Variants in FBXO36 observed in about 807,000 individuals in gnomAD.
FBXO36 encodes the protein F-box only protein 36.
A neutral mutation model predicts 17.0 loss-of-function variants in FBXO36; 18 were observed. The ratio of observed to expected loss-of-function variants is 1.06; its 90% CI spans 0.73 to 1.57. FBXO36 has a LOEUF of 1.57. Among genes scored for constraint, FBXO36 ranks in the 40% most tolerant of loss-of-function variants. The pLI is 0.00. For synonymous variants in FBXO36, 83 were observed against 85.3 expected, an observed-to-expected ratio of 0.97 and a Z score of 0.15; for missense variants, 229 against 221.9, an observed-to-expected ratio of 1.03 and a Z score of -0.20.
chr2:229,992,800 G>A (rs2077304534), intron 2 of FBXO36, among the ~76,000 whole-genome samples: 2 of 152,184 alleles, frequency 1.3e-5, no homozygotes, highest in Non-Finnish European at 2.9e-5. Flanking sequence ...ACTTGCATGG[G>A]GTTGAATGGC....
intron 1 of FBXO36, among the ~76,000 whole-genome samples, chr2:229,972,437 A>G (rs992694780): frequency 1.3e-5 from 2 of 152,150 alleles, no homozygotes; most frequent in East Asian, 1.9e-4. Flanking sequence ...ATTGAATACT[A>G]TTAGACAGCT....
chr2:230,000,615 G>T (rs1388962836), intron 3 of FBXO36, among the ~76,000 whole-genome samples: 1 of 151,932 alleles, frequency 6.6e-6, no homozygotes, highest in Admixed American at 6.6e-5. Context: ...ACGCTGAGCG[G>T]CTGCCTTCTC....
chr2:229,957,548 G>T (rs2077095219), intron 1 of FBXO36, among the ~76,000 whole-genome samples: 1 of 152,320 alleles, frequency 6.6e-6, no homozygotes, highest in Middle Eastern at 3.4e-3. Context: ...TTGCACTTCA[G>T]CCTGGGCGAT....
At chr2:229,980,859 G>A (rs1018889633) in intron 2 of FBXO36, among the ~76,000 whole-genome samples, 14 of 152,070 alleles carry the variant, frequency 9.2e-5, no homozygotes, top group African/African-American at 3.4e-4. Flanking sequence ...CTGCCAGGTG[G>A]TTTCCCGCCA....
At chr2:229,989,781 G>A (rs2077289182) in intron 2 of FBXO36, among the ~76,000 whole-genome samples, 1 of 146,090 alleles carries the variant, frequency 6.8e-6, no homozygotes, top group Non-Finnish European at 1.5e-5. Flanking sequence ...CACCATCTTG[G>A]CCAGGCTGGT....
At chr2:229,925,271 CTAAT>C (rs1233658066) in intron 1 of FBXO36, among the ~76,000 whole-genome samples, 1 of 152,016 alleles carries the variant, frequency 6.6e-6, no homozygotes, top group South Asian at 2.1e-4. Flanking sequence ...AATCTCCAAG[CTAAT>C]TAATTCACCC....
intron 3 of FBXO36, among the ~76,000 whole-genome samples, chr2:229,998,987 A>G (rs940299408): frequency 1.3e-5 from 2 of 151,570 alleles, no homozygotes; most frequent in African/African-American, 4.8e-5. Flanking sequence ...TATTTTTAGT[A>G]GAGACGGGGT....
At chr2:230,006,917 A>G (rs1286227338) in intron 3 of FBXO36, among the ~76,000 whole-genome samples, 7 of 152,216 alleles carry the variant, frequency 4.6e-5, no homozygotes, top group African/African-American at 1.7e-4. Flanking sequence ...GTGCTATTCC[A>G]CAGTTGAGGA....
chr2:229,945,003 C>A (rs1347610685), intron 1 of FBXO36: 1 of 152,138 alleles, frequency 6.6e-6, no homozygotes, highest in Non-Finnish European at 1.5e-5. Flanking sequence ...TAGGTTTAGA[C>A]AGCTAAAGAT....
intron 1 of FBXO36, chr2:229,937,707 T>C (rs1024042166): frequency 1.3e-5 from 2 of 152,126 alleles, no homozygotes; most frequent in African/African-American, 4.8e-5. Flanking sequence ...CTGAGGAGCC[T>C]TTCCTGACCT....
chr2:229,984,806 A>G (rs1277253264), intron 2 of FBXO36, among the ~76,000 whole-genome samples: 3 of 152,194 alleles, frequency 2.0e-5, no homozygotes, highest in Non-Finnish European at 4.4e-5. Flanking sequence ...GTACAAATAC[A>G]CAATCCTCAA....
Position 229,995,328 on chromosome 2 carries a change from C to T in FBXO36, c.206-1423C>T, listed in dbSNP as rs2077319425. Among the ~76,000 whole-genome samples, 3 of 152,034 alleles carry T rather than the reference C, an allele frequency of 2.0e-5. 1 individual carries two copies. The highest frequency in any genetic ancestry group is 2.1e-4 in the South Asian group (1 of 4,828). ...ACTGGGGGGAAATCCTTTTTTCCTA[C>T]ATCAAACATAGTTAGATAGGCCATT... is the stretch of plus-strand genomic sequence containing the variant. On this transcript the variant is annotated intron_variant, in intron 2 of 3. Transcript: ENST00000283946.
At chr2:230,002,029 G>A (rs78726889) in intron 3 of FBXO36, among the ~76,000 whole-genome samples, 2,510 of 152,076 alleles carry the variant, frequency 0.017, 51 homozygotes, top group East Asian at 0.081. Flanking sequence ...GTAGAGACGG[G>A]GTTTTACCAC....
intron 3 of FBXO36, among the ~76,000 whole-genome samples, chr2:230,006,722 G>A (rs2077388676): frequency 6.6e-6 from 1 of 152,174 alleles, no homozygotes; most frequent in Non-Finnish European, 1.5e-5. Flanking sequence ...ACATGGTCAA[G>A]GTGTTGTTTT....
At chr2:229,942,317 C>T (rs2077003697) in intron 1 of FBXO36, among the ~76,000 whole-genome samples, 1 of 152,166 alleles carries the variant, frequency 6.6e-6, no homozygotes, top group Non-Finnish European at 1.5e-5. Flanking sequence ...CGCTGTGTAC[C>T]ACCCTCTGTC....
At chr2:229,983,290 G>A (rs984058683) in intron 2 of FBXO36, among the ~76,000 whole-genome samples, 13 of 151,846 alleles carry the variant, frequency 8.6e-5, no homozygotes, top group African/African-American at 2.2e-4. Context: ...CAGGAGAATC[G>A]CTTGAACCTG....
chr2:229,937,543 ATCT>A (rs534711395), intron 1 of FBXO36, among the ~76,000 whole-genome samples: 247 of 152,288 alleles, frequency 1.6e-3, no homozygotes, highest in African/African-American at 5.5e-3. Context: ...ATAACTTTTC[ATCT>A]TCTCAGTATC....
At chr2:229,961,596 G>A (rs1456383985) in intron 1 of FBXO36, among the ~76,000 whole-genome samples, 1 of 151,998 alleles carries the variant, frequency 6.6e-6, no homozygotes, top group Non-Finnish European at 1.5e-5. Flanking sequence ...CGATGGTCTC[G>A]ATCTCCTGAC....
chr2:230,010,748 C>G lies in FBXO36; in HGVS notation c.431C>G (p.Thr144Ser). Residue 144 changes from threonine to serine, a missense_variant, in exon 4 of 4, where the codon ACC becomes AGC. Physicochemically the swap from Thr to Ser is moderately conservative, Grantham distance 58 (BLOSUM62 1). Coordinates refer to ENST00000283946, the MANE Select transcript of FBXO36 (RefSeq NM_174899.5). ...WEQIVQSTCD[T>S]ITPDVRALAE... Reference sequence around the variant, plus strand: ...CAGATAGTCCAGTCGACCTGCGACACCATCACTCCTGACGTGAGGGCCCTG... The same window carrying G: ...CAGATAGTCCAGTCGACCTGCGACAGCATCACTCCTGACGTGAGGGCCCTG... 6.2e-7 allele frequency: 1 copy of G among 1,613,858 alleles called. No individual in the cohort carries two copies. Among genetic ancestry groups the G allele is most frequent in the Non-Finnish European group, 8.5e-7 (1 of 1,179,742 alleles).
Sources: gnomAD v4.1 joint callset for allele counts (sites outside exome capture counted in the v4.1 genomes callset) on GRCh38, gnomAD v4.1.1 for gene constraint, MANE v1.5 for transcripts, NCBI Gene and HGNC (gene_info 2026-07-23, HGNC 2026-07-21) for gene names.